MKLN1: variants seen among roughly 807,000 people sequenced by gnomAD.
The protein encoded by MKLN1 is muskelin.
Under a neutral mutation model 99.0 loss-of-function variants are expected in MKLN1, and 18 were observed. The observed-to-expected ratio is 0.18, with a 90% CI of 0.13 to 0.27. The LOEUF (loss-of-function observed/expected upper bound fraction) is 0.27, where lower values mean the gene tolerates loss of function less well. Among genes scored for constraint, MKLN1 ranks in the 10% least tolerant of loss-of-function variants. The probability of loss-of-function intolerance (pLI) is 1.00; values close to 1 mark genes in which losing one functional copy is unlikely to be tolerated. For missense variants in MKLN1, 621 were observed against 875.9 expected (o/e 0.71, Z 3.67); for synonymous variants, 288 against 293.2 (o/e 0.98, Z 0.18).
At chr7:131,368,583 C>T (rs1800250384) in intron 1 of MKLN1, among the ~76,000 whole-genome samples, 1 of 152,112 alleles carries the variant, frequency 6.6e-6, no homozygotes, top group African/African-American at 2.4e-5. Context: ...GTGCCACACA[C>T]TTTTAAAACA....
chr7:131,137,803 G>A (rs1391712337), intron 1 of MKLN1, among the ~76,000 whole-genome samples: 2 of 152,040 alleles, frequency 1.3e-5, no homozygotes, highest in Non-Finnish European at 2.9e-5. Context: ...TTGAACTCCT[G>A]ACCTCAGGTG....
At chr7:131,225,702 C>T (rs934607759) in intron 3 of MKLN1, among the ~76,000 whole-genome samples, 3 of 152,142 alleles carry the variant, frequency 2.0e-5, no homozygotes, top group African/African-American at 7.2e-5. Flanking sequence ...TTTCCTCTGA[C>T]GTCACTGGGC....
chr7:131,275,074 A>G (rs1005364902), intron 3 of MKLN1, among the ~76,000 whole-genome samples: 19 of 152,170 alleles, frequency 1.2e-4, no homozygotes, highest in Non-Finnish European at 2.4e-4. Flanking sequence ...GGCTGCTATA[A>G]TAAAGTACCA....
At chr7:131,387,713 C>A (rs1274753828) in intron 3 of MKLN1, among the ~76,000 whole-genome samples, 3 of 152,086 alleles carry the variant, frequency 2.0e-5, no homozygotes, top group African/African-American at 7.2e-5. Context: ...TTGAAAGATG[C>A]GTGACTACGC....
At chr7:131,355,311 T>C (rs1158575493) in intron 1 of MKLN1, among the ~76,000 whole-genome samples, 2 of 152,152 alleles carry the variant, frequency 1.3e-5, no homozygotes, top group Non-Finnish European at 2.9e-5. Context: ...ATTTGTTGTA[T>C]GGTCATAGGG....
At chr7:131,176,207 A>G (rs1304419572) in intron 2 of MKLN1, among the ~76,000 whole-genome samples, 1 of 152,200 alleles carries the variant, frequency 6.6e-6, no homozygotes, top group East Asian at 1.9e-4. Flanking sequence ...ATATGCAATT[A>G]ATGGTATTCT....
At chr7:131,393,409 C>G (rs1484928471) in intron 4 of MKLN1, among the ~76,000 whole-genome samples, 2 of 152,010 alleles carry the variant, frequency 1.3e-5, no homozygotes, top group Non-Finnish European at 2.9e-5. Context: ...TTTTACATAC[C>G]CTTTTAGTCT....
chr7:131,271,703 G>A (rs970820515), intron 3 of MKLN1, among the ~76,000 whole-genome samples: 2 of 151,880 alleles, frequency 1.3e-5, no homozygotes, highest in Non-Finnish European at 2.9e-5. Context: ...CAGGTCAGGA[G>A]TTTGAGACCA....
rs150625082 is a variant in MKLN1, at chr7:131,461,454, GGT to G, written c.1526-1748_1526-1747del. Among the ~76,000 whole-genome samples, 502 of 150,824 alleles carry G rather than the reference GGT, an allele frequency of 3.3e-3. 1 individual carries two copies. Among genetic ancestry groups the G allele is most frequent in the African/African-American group, 0.011 (470 of 41,182 alleles). On this transcript the variant is annotated intron_variant, in intron 12 of 17. Coordinates refer to ENST00000352689, the MANE Select transcript of MKLN1 (RefSeq NM_013255.5). ...GTGTATGTATGTATACAAATTGTAT[GGT>G]GTGTGTGTGTGTGTATAATTTTATA... is the stretch of plus-strand genomic sequence containing the variant.
intron 1 of MKLN1, among the ~76,000 whole-genome samples, chr7:131,370,536 T>C (rs1201792519): frequency 6.6e-6 from 1 of 152,110 alleles, no homozygotes; most frequent in East Asian, 1.9e-4. Context: ...CTTTTTACAT[T>C]GTATACTCCT....
rs1049272150 is a variant in MKLN1 at position 131,399,352 on chromosome 7, A to G, written c.622A>G (p.Met208Val). 14 of 1,613,886 alleles carry G rather than the reference A, an allele frequency of 8.7e-6. No homozygotes were observed. The highest frequency in any genetic ancestry group is 2.2e-5 in the South Asian group (2 of 91,088). Residue 208 changes from methionine (M) to valine (V), a missense_variant, in exon 6 of 18, where the codon ATG becomes GTG. By Grantham distance (21) the Met-to-Val change is conservative. Around this residue, in one of 8 missense-constraint regions of MKLN1, gnomAD observed 361 missense variants for 540.8 expected, o/e 0.67. Coordinates refer to ENST00000352689, the MANE Select transcript of MKLN1 (RefSeq NM_013255.5). Reference protein sequence around the residue: ...KKTKIALEHPMLTDIHDKLVL... With the variant: ...KKTKIALEHPVLTDIHDKLVL... ...AACCAAGATTGCACTGGAACATCCC[A>G]TGTTAACAGATATTCATGACAAGCT...
At chr7:131,347,518 C>A (rs1399536567) in intron 1 of MKLN1, among the ~76,000 whole-genome samples, 5 of 152,136 alleles carry the variant, frequency 3.3e-5, no homozygotes, top group Non-Finnish European at 5.9e-5. Context: ...AGACAAAAAA[C>A]CCTTACTTGC....
rs6943015 is a variant in MKLN1 at position 131,114,889 on chromosome 7, T to C, written c.-419+4682T>C. On this transcript the variant is annotated intron_variant, in intron 1 of 7. Coordinates refer to the MKLN1 transcript ENST00000416992. The stretch of plus-strand genomic sequence containing the variant: ...AGGCAGAGGTTGTGATGAGCTGAAA[T>C]TGCACAACTGCACTCCAGCCTGGGC... Among the ~76,000 whole-genome samples the C allele has an allele frequency of 6.1e-3, 917 of 151,468 alleles. 7 individuals carry two copies. The highest frequency in any genetic ancestry group is 0.021 in the African/African-American group (882 of 41,224).
At chr7:131,181,292 CT>C (rs1188807901) in intron 2 of MKLN1, among the ~76,000 whole-genome samples, 3 of 152,080 alleles carry the variant, frequency 2.0e-5, no homozygotes, top group South Asian at 4.1e-4. Flanking sequence ...AGAAAAGCAT[CT>C]GATGAAAATA....
intron 1 of MKLN1, among the ~76,000 whole-genome samples, chr7:131,124,593 C>T (rs184236197): frequency 5.9e-5 from 9 of 152,300 alleles, no homozygotes; most frequent in Non-Finnish European, 1.2e-4. Context: ...GCCATGGGGC[C>T]TCAGACATCT....
chr7:131,208,454 G>C (rs1288484763), intron 3 of MKLN1, among the ~76,000 whole-genome samples: 1 of 152,142 alleles, frequency 6.6e-6, no homozygotes, highest in African/African-American at 2.4e-5. Context: ...CAATAGCTGG[G>C]TGTGGTGGTG....
intron 6 of MKLN1, among the ~76,000 whole-genome samples, chr7:131,406,973 A>T (rs56880308): frequency 0.038 from 5,743 of 152,096 alleles, 258 homozygotes; most frequent in African/African-American, 0.11. Context: ...AGCCCTGTTA[A>T]CTATTGTCTA....
intron 8 of MKLN1, among the ~76,000 whole-genome samples, chr7:131,428,099 A>T (rs1202301910): frequency 6.6e-6 from 1 of 152,128 alleles, no homozygotes; most frequent in African/African-American, 2.4e-5. Flanking sequence ...TGAACCCAGG[A>T]GGCTGCAGTG....
intron 3 of MKLN1, among the ~76,000 whole-genome samples, chr7:131,214,079 CA>C (rs754397126): frequency 6.6e-6 from 1 of 151,792 alleles, no homozygotes; most frequent in Non-Finnish European, 1.5e-5. Flanking sequence ...GTCTTTAAAC[CA>C]ACTTAAACTT....
Sources: allele counts gnomAD v4.1 joint callset (sites outside exome capture counted in the v4.1 genomes callset), GRCh38; gene constraint gnomAD v4.1.1; regional missense constraint gnomAD v4.1.1; transcripts MANE v1.5; gene names NCBI Gene and HGNC (gene_info 2026-07-23, HGNC 2026-07-21).